PABPC4L: variants seen among roughly 807,000 people sequenced by gnomAD.
PABPC4L encodes polyadenylate-binding protein 4-like.
For missense variants in PABPC4L, 452 were observed against 451.4 expected, an observed-to-expected ratio of 1.00 and a Z score of -0.01; for synonymous variants, 169 against 164.1, an observed-to-expected ratio of 1.03 and a Z score of -0.23.
At chr4:134,088,717 C>G in the PABPC4L span, among the ~76,000 whole-genome samples, 1 of 151,982 alleles carries the variant, frequency 6.6e-6, no homozygotes, top group Admixed American at 6.6e-5. Context: ...CCTGCTGGCA[C>G]CTTGATATGG....
the PABPC4L span, among the ~76,000 whole-genome samples, chr4:134,133,034 A>G: frequency 5.0e-4 from 69 of 138,802 alleles, no homozygotes; most frequent in Middle Eastern, 8.3e-3. Flanking sequence ...TATATAATAT[A>G]TTTCATACAT....
chr4:133,988,299 T>C, the PABPC4L span, among the ~76,000 whole-genome samples: 4 of 152,214 alleles, frequency 2.6e-5, no homozygotes, highest in South Asian at 8.3e-4. Context: ...AAGTCCAAGG[T>C]CTCATCTGAG....
At chr4:134,062,636 TAA>T in the PABPC4L span, among the ~76,000 whole-genome samples, 4 of 152,078 alleles carry the variant, frequency 2.6e-5, no homozygotes, top group Non-Finnish European at 4.4e-5. Flanking sequence ...CAAAATTAAT[TAA>T]AACTTAGGCT....
the PABPC4L span, among the ~76,000 whole-genome samples, chr4:134,095,541 T>C: frequency 2.6e-5 from 4 of 152,040 alleles, no homozygotes; most frequent in African/African-American, 9.7e-5. Context: ...TCTTTATACT[T>C]ACTAGTAGTG....
At chr4:134,014,971 T>C in the PABPC4L span, among the ~76,000 whole-genome samples, 1 of 152,228 alleles carries the variant, frequency 6.6e-6, no homozygotes, top group African/African-American at 2.4e-5. Flanking sequence ...TGACTATTCC[T>C]GGACTATAGC....
Position 134,200,878 on chromosome 4 carries a change from G to A in PABPC4L, c.142C>T (p.Arg48Cys). Residue 48 changes from arginine (R) to cysteine (C), a missense_variant, in exon 2 of 2, where the codon CGC becomes TGC. By Grantham distance (180) the Arg-to-Cys change is radical. Coordinates refer to ENST00000421491, the MANE Select transcript of PABPC4L (RefSeq NM_001114734.2). ...ACGTAGGCATAGCCCAGAGAGCGGCGGGTGACCTGGTCCCTGCAAATGCGG... is the reference window on the plus strand; with the variant it reads ...ACGTAGGCATAGCCCAGAGAGCGGCAGGTGACCTGGTCCCTGCAAATGCGG... ...SIRICRDQVT[R>C]RSLGYAYVNF... 4 of 1,561,250 alleles carry A rather than the reference G, an allele frequency of 2.6e-6. No homozygotes were observed. The highest frequency in any genetic ancestry group is 1.2e-5 in the South Asian group (1 of 84,880).
the PABPC4L span, among the ~76,000 whole-genome samples, chr4:133,990,588 C>T: frequency 6.6e-6 from 1 of 152,104 alleles, no homozygotes; most frequent in Non-Finnish European, 1.5e-5. Context: ...CTTAGCACCA[C>T]CAATGAGAGT....
chr4:133,992,455 G>A, the PABPC4L span, among the ~76,000 whole-genome samples: 1 of 152,174 alleles, frequency 6.6e-6, no homozygotes, highest in Non-Finnish European at 1.5e-5. Flanking sequence ...TACAGTAAGG[G>A]TTAGAACTTT....
chr4:134,009,156 A>G, the PABPC4L span, among the ~76,000 whole-genome samples: 2 of 151,888 alleles, frequency 1.3e-5, no homozygotes, highest in Non-Finnish European at 2.9e-5. Context: ...TCACTCTTAT[A>G]TAATAATAAA....
chr4:134,103,474 A>C, the PABPC4L span, among the ~76,000 whole-genome samples: 1 of 151,618 alleles, frequency 6.6e-6, no homozygotes, highest in Middle Eastern at 3.2e-3. Flanking sequence ...CACTGTCCTC[A>C]CATGGTTCCC....
the PABPC4L span, among the ~76,000 whole-genome samples, chr4:134,025,673 A>C: frequency 1.3e-5 from 2 of 152,152 alleles, no homozygotes; most frequent in Non-Finnish European, 2.9e-5. Context: ...TAAATGTTTT[A>C]AAACATTTTA....
chr4:134,097,169 A>G, the PABPC4L span, among the ~76,000 whole-genome samples: 1 of 151,930 alleles, frequency 6.6e-6, no homozygotes, highest in South Asian at 2.1e-4. Flanking sequence ...TTTGCCTATT[A>G]GTTAAAGAAG....
At chr4:134,182,154 T>C in the PABPC4L span, among the ~76,000 whole-genome samples, 1 of 151,500 alleles carries the variant, frequency 6.6e-6, no homozygotes, top group African/African-American at 2.4e-5. Flanking sequence ...AGAGCCTTAA[T>C]AAAAGCCTAA....
At chr4:134,085,500 T>G in the PABPC4L span, among the ~76,000 whole-genome samples, 1 of 152,056 alleles carries the variant, frequency 6.6e-6, no homozygotes. Flanking sequence ...TGCTTAATTA[T>G]CACAAAGAAA....
At chr4:133,962,967 A>G in the PABPC4L span, among the ~76,000 whole-genome samples, 1 of 152,188 alleles carries the variant, frequency 6.6e-6, no homozygotes, top group African/African-American at 2.4e-5. Flanking sequence ...AAATATCACC[A>G]TGAATGGAAT....
At chr4:134,008,960 G>A in the PABPC4L span, among the ~76,000 whole-genome samples, 1 of 151,734 alleles carries the variant, frequency 6.6e-6, no homozygotes, top group South Asian at 2.1e-4. Context: ...GCTATAATGT[G>A]AAATGGTAAA....
chr4:134,130,063 TAA>T, the PABPC4L span, among the ~76,000 whole-genome samples: 8 of 110,978 alleles, frequency 7.2e-5, no homozygotes, highest in Admixed American at 2.9e-4. Flanking sequence ...AGACTCTGTT[TAA>T]AAAAAAAAAA....
At chr4:134,054,258 A>G in the PABPC4L span, among the ~76,000 whole-genome samples, 32 of 71,374 alleles carry the variant, frequency 4.5e-4, no homozygotes, top group African/African-American at 2.0e-3. Context: ...ATATGTATAT[A>G]TATATATATA....
chr4:134,022,974 G>A, the PABPC4L span, among the ~76,000 whole-genome samples: 715 of 143,704 alleles, frequency 5.0e-3, 8 homozygotes, highest in African/African-American at 0.018. Flanking sequence ...CAAAAGGGTT[G>A]GGGAAAGAAA....
Sources: allele counts gnomAD v4.1 joint callset (sites outside exome capture counted in the v4.1 genomes callset), GRCh38; gene constraint gnomAD v4.1.1; transcripts MANE v1.5; gene names NCBI Gene and HGNC (gene_info 2026-07-23, HGNC 2026-07-21).